NKAIN3: variants seen among roughly 807,000 people sequenced by gnomAD.
NKAIN3 encodes the protein sodium/potassium-transporting ATPase subunit beta-1-interacting protein 3.
Under a neutral mutation model 30.2 loss-of-function variants are expected in NKAIN3, and 25 were observed. The ratio of observed to expected loss-of-function variants is 0.83; its 90% CI spans 0.60 to 1.16. The LOEUF is 1.16. Among genes scored for constraint, NKAIN3 ranks in the 50% most tolerant of loss-of-function variants. NKAIN3 has a pLI of 0.00. For missense variants in NKAIN3, 225 were observed against 254.1 expected (o/e 0.89, Z 0.78); for synonymous variants, 91 against 89.6 (o/e 1.02, Z -0.09).
intron 2 of NKAIN3, among the ~76,000 whole-genome samples, chr8:62,587,066 C>T (rs192883640): frequency 1.6e-4 from 24 of 152,014 alleles, no homozygotes; most frequent in African/African-American, 5.5e-4. Flanking sequence ...AAATAACCCA[C>T]TTCAAAAAGA....
At chr8:62,425,287 T>C (rs551014974) in intron 1 of NKAIN3, among the ~76,000 whole-genome samples, 2 of 152,006 alleles carry the variant, frequency 1.3e-5, no homozygotes, top group South Asian at 2.1e-4. Context: ...TGTACTCTTA[T>C]CACAATTTTA....
At chr8:62,360,954 A>G (rs1328148400) in intron 1 of NKAIN3, among the ~76,000 whole-genome samples, 2 of 151,360 alleles carry the variant, frequency 1.3e-5, no homozygotes, top group Non-Finnish European at 1.5e-5. Flanking sequence ...TCTTCCTATT[A>G]TGAAAGAGGG....
chr8:62,672,850 T>A (rs4738992), intron 3 of NKAIN3, among the ~76,000 whole-genome samples: 2 of 152,024 alleles, frequency 1.3e-5, no homozygotes, highest in South Asian at 2.1e-4. Context: ...CAATTTTATC[T>A]AAAAAAATTG....
rs1001543371 is a variant in NKAIN3, at chr8:62,971,327, T to G, written c.*5920T>G. 3.9e-5 allele frequency among the ~76,000 whole-genome samples: 6 copies of G among 152,208 alleles called. No individual in the cohort carries two copies. Among genetic ancestry groups the G allele is most frequent in the African/African-American group, 1.4e-4 (6 of 41,448 alleles). ...TATTATAGTCTTTATTCTTAATGAC[T>G]TTATGCTTAACTAAAAAGTAAGAGC... On this transcript the variant is annotated 3_prime_UTR_variant, in exon 7 of 7. Coordinates refer to ENST00000623646, the MANE Select transcript of NKAIN3 (RefSeq NM_001304533.3).
chr8:62,310,784 A>G (rs1360086056), intron 1 of NKAIN3, among the ~76,000 whole-genome samples: 1 of 150,286 alleles, frequency 6.7e-6, no homozygotes, highest in African/African-American at 2.5e-5. Context: ...CTGGTTATAT[A>G]AGACCCTGAA....
chr8:62,508,809 A>G lies in NKAIN3; in HGVS notation c.55-70730A>G, dbSNP rs546423433. Among the ~76,000 whole-genome samples, 23 of 149,804 alleles carry G rather than the reference A, an allele frequency of 1.5e-4. 1 individual carries two copies. In the South Asian group the frequency reaches 4.8e-3, roughly 31 times the overall value. ...AAGTTACAATTTATTGAAGTGTAAC[A>G]TAAATACAGAAACATACACCAATTT... On this transcript the variant is annotated intron_variant, in intron 1 of 6. Transcript: ENST00000623646.
At chr8:62,772,052 A>AC (rs1366033892) in intron 4 of NKAIN3, among the ~76,000 whole-genome samples, 1 of 151,546 alleles carries the variant, frequency 6.6e-6, no homozygotes, top group African/African-American at 2.4e-5. Context: ...CATCCCTACT[A>AC]CCCCCCACTA....
chr8:62,863,272 AT>A (rs1563599532), intron 4 of NKAIN3: 1 of 1,556,066 alleles, frequency 6.4e-7, no homozygotes. Context: ...TATTTTTCCT[AT>A]AGGTTTCTGC....
At chr8:62,469,408 A>G (rs1806256045) in intron 1 of NKAIN3, among the ~76,000 whole-genome samples, 1 of 152,178 alleles carries the variant, frequency 6.6e-6, no homozygotes, top group Non-Finnish European at 1.5e-5. Context: ...TCAATGATAC[A>G]GTTGAATATG....
chr8:62,756,368 T>G (rs1043278851), intron 4 of NKAIN3, among the ~76,000 whole-genome samples: 1 of 152,190 alleles, frequency 6.6e-6, no homozygotes, highest in African/African-American at 2.4e-5. Context: ...TAGCACATAT[T>G]TTTAAGGTTC....
intron 5 of NKAIN3, among the ~76,000 whole-genome samples, chr8:62,929,715 G>GT (rs1418410251): frequency 2.0e-5 from 3 of 152,086 alleles, no homozygotes; most frequent in Non-Finnish European, 2.9e-5. Context: ...AAAAACTGTG[G>GT]TTTTTTGTTT....
At chr8:62,580,072 A>G (rs978966716) in intron 2 of NKAIN3, among the ~76,000 whole-genome samples, 1 of 152,198 alleles carries the variant, frequency 6.6e-6, no homozygotes, top group African/African-American at 2.4e-5. Flanking sequence ...TCCAAAAAAC[A>G]AATCTTTCTA....
At chr8:62,424,130 G>A (rs141306007) in intron 1 of NKAIN3, among the ~76,000 whole-genome samples, 11 of 151,876 alleles carry the variant, frequency 7.2e-5, no homozygotes, top group Admixed American at 1.3e-4. Context: ...GAATGAAATC[G>A]GACCATTATC....
intron 1 of NKAIN3, among the ~76,000 whole-genome samples, chr8:62,524,519 A>G (rs946049686): frequency 1.3e-5 from 2 of 152,172 alleles, no homozygotes; most frequent in Non-Finnish European, 2.9e-5. Flanking sequence ...GGCAATCAGC[A>G]TAGGTCACTT....
chr8:62,445,279 G>A (rs1805450419), intron 1 of NKAIN3, among the ~76,000 whole-genome samples: 1 of 150,174 alleles, frequency 6.7e-6, no homozygotes, highest in Admixed American at 6.6e-5. Context: ...ATGATTTTGA[G>A]TCTTTTCCAT....
chr8:62,455,112 G>A (rs1355683818), intron 1 of NKAIN3, among the ~76,000 whole-genome samples: 1 of 152,196 alleles, frequency 6.6e-6, no homozygotes, highest in East Asian at 1.9e-4. Flanking sequence ...CAGAGAAGAG[G>A]TAGAGAAAAT....
At chr8:62,466,935 C>A (rs982708782) in intron 1 of NKAIN3, among the ~76,000 whole-genome samples, 1 of 152,120 alleles carries the variant, frequency 6.6e-6, no homozygotes, top group African/African-American at 2.4e-5. Context: ...AAAGGTTAAT[C>A]AGATCACACA....
rs536371597 is a variant in NKAIN3 at position 62,653,160 on chromosome 8, G to T, written c.273+63366G>T. Reference sequence around the variant, plus strand: ...TATAGACTGGGTTGCTTAAGTAACAGAAATGTATTTTCCCAAAGGTCTGGA... The same window carrying T: ...TATAGACTGGGTTGCTTAAGTAACATAAATGTATTTTCCCAAAGGTCTGGA... On this transcript the variant is annotated intron_variant, in intron 3 of 6. Coordinates refer to ENST00000623646, the MANE Select transcript of NKAIN3 (RefSeq NM_001304533.3). Among the ~76,000 whole-genome samples, 6 of 152,322 alleles carry T rather than the reference G, an allele frequency of 3.9e-5. No individual in the cohort carries two copies. The South Asian group carries it at 1.2e-3, about 32-fold the overall frequency.
At chr8:62,380,070 G>A (rs1817222712) in intron 1 of NKAIN3, among the ~76,000 whole-genome samples, 1 of 152,148 alleles carries the variant, frequency 6.6e-6, no homozygotes, top group African/African-American at 2.4e-5. Context: ...AAATGGATTG[G>A]TAAAGGGGTT....
Sources: allele counts gnomAD v4.1 joint callset (sites outside exome capture counted in the v4.1 genomes callset), GRCh38; gene constraint gnomAD v4.1.1; transcripts MANE v1.5; gene names NCBI Gene and HGNC (gene_info 2026-07-23, HGNC 2026-07-21).